The following EHBP1 variants were observed in gnomAD, a reference collection of about 807,000 sequenced individuals.
EHBP1 encodes EH domain-binding protein 1.
A neutral mutation model predicts 144.0 loss-of-function variants in EHBP1; 55 were observed. The ratio of observed to expected loss-of-function variants is 0.38; its 90% CI spans 0.31 to 0.48. The LOEUF (loss-of-function observed/expected upper bound fraction) is 0.48. Among genes scored for constraint, EHBP1 ranks in the 20% least tolerant of loss-of-function variants. The pLI, the probability that EHBP1 is intolerant of heterozygous loss-of-function variation, is 0.98. For synonymous variants in EHBP1, 469 were observed against 472.7 expected (o/e 0.99, Z 0.10); for missense variants, 1,200 against 1,364.2 (o/e 0.88, Z 1.90).
At chr2:62,870,478 G>A (rs1007118509) in intron 9 of EHBP1, among the ~76,000 whole-genome samples, 1 of 151,944 alleles carries the variant, frequency 6.6e-6, no homozygotes, top group African/African-American at 2.4e-5. Context: ...ACTTTGGGAG[G>A]CCAAGGCAGG....
At chr2:62,863,840 GTTTTTTTTTTT>G (rs70962797) in intron 8 of EHBP1, among the ~76,000 whole-genome samples, 1 of 82,734 alleles carries the variant, frequency 1.2e-5, no homozygotes, top group Non-Finnish European at 2.1e-5. Context: ...TTTCTGTGTT[GTTTTTTTTTTT>G]TTTTTTTTTT....
chr2:63,042,048 A>C (rs1195995303), intron 21 of EHBP1, among the ~76,000 whole-genome samples: 1 of 152,178 alleles, frequency 6.6e-6, no homozygotes, highest in African/African-American at 2.4e-5. Flanking sequence ...GAATCTCTTT[A>C]TTTCAACACT....
At chr2:62,868,697 C>G (rs889230754) in intron 9 of EHBP1, among the ~76,000 whole-genome samples, 4 of 152,124 alleles carry the variant, frequency 2.6e-5, no homozygotes, top group African/African-American at 7.2e-5. Context: ...CCTGTAATCT[C>G]AGCTACTCAG....
chr2:62,727,876 G>A (rs940948950), intron 2 of EHBP1, among the ~76,000 whole-genome samples: 4 of 152,162 alleles, frequency 2.6e-5, no homozygotes, highest in African/African-American at 9.7e-5. Context: ...GCACTTGAGC[G>A]CAAGGGAGAC....
chr2:62,709,128 G>A (rs763515457), intron 2 of EHBP1, among the ~76,000 whole-genome samples: 1 of 152,104 alleles, frequency 6.6e-6, no homozygotes, highest in Admixed American at 6.6e-5. Context: ...GCAATATTAG[G>A]GTAGCTGTTT....
rs200466209 is a variant in EHBP1, at chr2:62,807,548, CA to C, written c.313-18531del. Among the ~76,000 whole-genome samples, 234 of 150,804 alleles carry C rather than the reference CA, an allele frequency of 1.6e-3. 3 individuals are homozygous for C. In the East Asian group the frequency reaches 0.027, roughly 17 times the overall value. ...GGGCAATAAGAGCGAAACTCCGCCT[CA>C]AAAAAAACAAAAAAAGAAAAATGTT... On this transcript the variant is annotated intron_variant, in intron 5 of 22. Coordinates refer to ENST00000431489, the MANE Select transcript of EHBP1 (RefSeq NM_001142616.3).
chr2:62,896,087 A>G (rs1340232068), intron 10 of EHBP1, among the ~76,000 whole-genome samples: 1 of 152,210 alleles, frequency 6.6e-6, no homozygotes, highest in African/African-American at 2.4e-5. Context: ...AGATACTACA[A>G]AGTGAACCCA....
rs568388552 is a variant in EHBP1, at chr2:62,974,241, G to T, written c.2461-4947G>T. On this transcript the variant is annotated intron_variant, in intron 14 of 22. Transcript: ENST00000431489. ...ACATTGCTTTGCTTTTTTGAGGCAG[G>T]GTCTTGCTATGTAGCCCAGTTGCTC... is the stretch of plus-strand genomic sequence containing the variant. Among the ~76,000 whole-genome samples the T allele has an allele frequency of 2.0e-5, 3 of 152,052 alleles. No homozygotes were observed. The South Asian group carries it at 6.3e-4, about 32-fold the overall frequency.
At chr2:62,957,716 G>T (rs1276356870) in intron 14 of EHBP1, among the ~76,000 whole-genome samples, 2 of 134,640 alleles carry the variant, frequency 1.5e-5, no homozygotes, top group Non-Finnish European at 3.0e-5. Context: ...TGCGATCTCG[G>T]CTCACTGCAA....
chr2:62,851,115 C>T (rs774614490), intron 7 of EHBP1, among the ~76,000 whole-genome samples: 1 of 152,168 alleles, frequency 6.6e-6, no homozygotes, highest in Non-Finnish European at 1.5e-5. Flanking sequence ...GAGTGCCTTC[C>T]CTCATGGAGT....
chr2:63,041,089 GAGAAC>G (rs1559106247), intron 21 of EHBP1, among the ~76,000 whole-genome samples: 1 of 151,986 alleles, frequency 6.6e-6, no homozygotes, highest in African/African-American at 2.4e-5. Flanking sequence ...CATTCACCAG[GAGAAC>G]AGCATAGAAT....
intron 10 of EHBP1, among the ~76,000 whole-genome samples, chr2:62,884,152 A>G (rs917445852): frequency 6.6e-6 from 1 of 152,236 alleles, no homozygotes; most frequent in African/African-American, 2.4e-5. Context: ...AATCACAAGT[A>G]ATAGTGATTA....
intron 2 of EHBP1, among the ~76,000 whole-genome samples, chr2:62,710,005 T>TA (rs2034990053): frequency 6.6e-6 from 1 of 152,102 alleles, no homozygotes; most frequent in Non-Finnish European, 1.5e-5. Context: ...CCCCTACTCT[T>TA]CTTGTTGTCC....
intron 2 of EHBP1, among the ~76,000 whole-genome samples, chr2:62,734,552 A>T (rs889104294): frequency 6.6e-6 from 1 of 152,168 alleles, no homozygotes; most frequent in Non-Finnish European, 1.5e-5. Flanking sequence ...CTTTATATTT[A>T]AAGTAGGTTT....
intron 7 of EHBP1, among the ~76,000 whole-genome samples, chr2:62,853,024 A>G (rs1195929298): frequency 6.6e-6 from 1 of 152,156 alleles, no homozygotes; most frequent in African/African-American, 2.4e-5. Flanking sequence ...ATCTCAAGCA[A>G]TTTTGGTTAT....
At chr2:62,867,982 A>G (rs979336376) in intron 9 of EHBP1, among the ~76,000 whole-genome samples, 4 of 152,270 alleles carry the variant, frequency 2.6e-5, no homozygotes, top group African/African-American at 4.8e-5. Context: ...TTAAATGTCC[A>G]TATGCCCCTC....
At position 63,046,337 on chromosome 2, in the gene EHBP1, G is replaced by A. The variant is rs918078752; in HGVS notation, c.*837G>A. 7.9e-5 allele frequency: 12 copies of A among 152,612 alleles called. No individual in the cohort carries two copies. The highest frequency in any genetic ancestry group is 7.9e-4 in the Admixed American group (12 of 15,278). The allele number at this position is 152,612 out of a possible 1,614,324, so 9.5% of individuals were successfully genotyped here. ...AATATTTATTCTGTATTGATAAAAA[G>A]TCTGTCTTGCCACTACAAGTAAATC... On this transcript the variant is annotated 3_prime_UTR_variant, in exon 23 of 23. Transcript: ENST00000431489.
intron 1 of EHBP1, among the ~76,000 whole-genome samples, chr2:62,689,345 C>T (rs567076541): frequency 1.3e-5 from 2 of 152,282 alleles, no homozygotes; most frequent in East Asian, 3.9e-4. Flanking sequence ...ATAGCTATTA[C>T]TGAAATAATT....
At chr2:62,957,555 A>C (rs1462367618) in intron 14 of EHBP1, among the ~76,000 whole-genome samples, 2 of 151,586 alleles carry the variant, frequency 1.3e-5, no homozygotes, top group Non-Finnish European at 2.9e-5. Flanking sequence ...AATTACCATT[A>C]TTCACCAGAA....
Sources: allele counts gnomAD v4.1 joint callset (sites outside exome capture counted in the v4.1 genomes callset), GRCh38; gene constraint gnomAD v4.1.1; transcripts MANE v1.5; gene names NCBI Gene and HGNC (gene_info 2026-07-23, HGNC 2026-07-21).